The following ATP2B1 variants were observed in gnomAD, a reference collection of about 807,000 sequenced individuals.
The protein encoded by ATP2B1 is plasma membrane calcium-transporting ATPase 1.
Under a neutral mutation model 124.2 loss-of-function variants are expected in ATP2B1, and 14 were observed. That is an observed-to-expected ratio of 0.11 (90% CI 0.07 to 0.18). The LOEUF (loss-of-function observed/expected upper bound fraction) is 0.18, where lower values mean the gene tolerates loss of function less well. Among genes scored for constraint, ATP2B1 ranks in the 10% least tolerant of loss-of-function variants. ATP2B1 has a pLI of 1.00. For missense variants in ATP2B1, 763 were observed against 1,466.1 expected, an observed-to-expected ratio of 0.52 and a Z score of 7.83; for synonymous variants, 449 against 492.4, an observed-to-expected ratio of 0.91 and a Z score of 1.17.
intron 1 of ATP2B1, among the ~76,000 whole-genome samples, chr12:89,666,617 C>T (rs1887345222): frequency 2.0e-5 from 3 of 152,196 alleles, no homozygotes; most frequent in South Asian, 4.1e-4. Flanking sequence ...TCTTTATCCT[C>T]CTACCACCCA....
At chr12:89,696,502 A>G (rs1891147968) in intron 1 of ATP2B1, among the ~76,000 whole-genome samples, 1 of 62,842 alleles carries the variant, frequency 1.6e-5, no homozygotes. Context: ...GACATGAGAA[A>G]ATAATACAAA....
rs775614988 is a variant in ATP2B1, at chr12:89,635,248, C to A, written c.410G>T (p.Cys137Phe). ...TTCCTCCCCAACAGAAACTTCTCCACAAACTATTTGGAAAGAAAGAAAATG... is the reference window on the plus strand; with the variant it reads ...TTCCTCCCCAACAGAAACTTCTCCAAAAACTATTTGGAAAGAAAGAAAATG... ...YQPPEGDNALCGEVSVGEEEG... is the reference protein window; with the variant it reads ...YQPPEGDNALFGEVSVGEEEG... The change falls in exon 4 of 21, where the codon TGT becomes TTT. Residue 137 changes from cysteine to phenylalanine, a missense_variant. By Grantham distance (205) the Cys-to-Phe change is radical. Coordinates refer to ENST00000428670, the MANE Select transcript of ATP2B1 (RefSeq NM_001366521.1). 1 of 1,610,244 alleles carries A rather than the reference C, an allele frequency of 6.2e-7. No individual in the cohort carries two copies. The highest frequency in any genetic ancestry group is 8.5e-7 in the Non-Finnish European group (1 of 1,178,810).
chr12:89,681,382 A>T (rs4842674), intron 1 of ATP2B1, among the ~76,000 whole-genome samples: 135,734 of 148,414 alleles, frequency 0.91, 62,499 homozygotes, highest in East Asian at 0.99. Context: ...ATCCCTATAA[A>T]TTTTTTTTTT....
intron 3 of ATP2B1, among the ~76,000 whole-genome samples, chr12:89,641,499 T>A (rs1010077997): frequency 2.0e-5 from 3 of 152,328 alleles, no homozygotes; most frequent in Non-Finnish European, 4.4e-5. Context: ...ACACATAGCC[T>A]AAAAGTAATT....
At chr12:89,662,278 G>C (rs1283883867) in intron 1 of ATP2B1, among the ~76,000 whole-genome samples, 1 of 151,892 alleles carries the variant, frequency 6.6e-6, no homozygotes, top group Non-Finnish European at 1.5e-5. Flanking sequence ...CTAAAAATCT[G>C]AAGTCCTTCA....
intron 1 of ATP2B1, among the ~76,000 whole-genome samples, chr12:89,677,042 CAAAG>C (rs58410988): frequency 0.59 from 88,635 of 151,218 alleles, 26,435 homozygotes; most frequent in Admixed American, 0.69. Context: ...CACCACCAAA[CAAAG>C]AAACAAACAA....
intron 3 of ATP2B1, among the ~76,000 whole-genome samples, chr12:89,636,770 C>G (rs939819232): frequency 6.6e-6 from 1 of 152,168 alleles, no homozygotes; most frequent in Non-Finnish European, 1.5e-5. Flanking sequence ...GAACCACCAG[C>G]AGGATTCAAC....
intron 1 of ATP2B1, among the ~76,000 whole-genome samples, chr12:89,708,223 T>C (rs2136938924): frequency 1.3e-5 from 2 of 151,954 alleles, no homozygotes; most frequent in Middle Eastern, 3.4e-3. Context: ...CCACGCGCCG[T>C]GGCGGGGGCG....
At chr12:89,626,346 T>C in intron 8 of ATP2B1, 108 bp downstream of exon 8, 1 of 1,206,936 alleles carries the variant, frequency 8.3e-7, no homozygotes, top group Non-Finnish European at 1.1e-6. Flanking sequence ...CAAACTCCCC[T>C]TCTATTCACA....
At chr12:89,609,266 T>C (rs1592730807) in intron 15 of ATP2B1, among the ~76,000 whole-genome samples, 1 of 152,166 alleles carries the variant, frequency 6.6e-6, no homozygotes, top group South Asian at 2.1e-4. Context: ...GCTATGAATA[T>C]TCACACTAAG....
chr12:89,610,018 G>T lies in ATP2B1; in HGVS notation c.2361C>A (p.Asp787Glu), dbSNP rs1565814167. The change falls in exon 15 of 21, where the codon GAC becomes GAA. Residue 787 changes from aspartate (D) to glutamate (E), a missense_variant. Physicochemically the swap from Asp to Glu is conservative, Grantham distance 45. Around this residue, in one of 7 missense-constraint regions of ATP2B1, gnomAD observed 51 missense variants for 192.8 expected, o/e 0.26. Transcript: ENST00000428670. ...CAGTTACAGCTACAACCTGGCGTTG[G>T]TCTGAGACAGTGCTGTCAATTATAC... ...VKGIIDSTVS[D>E]QRQVVAVTGD... 3 of 1,613,584 alleles carry T rather than the reference G, an allele frequency of 1.9e-6. No individual in the cohort carries two copies. Among genetic ancestry groups the T allele is most frequent in the Non-Finnish European group, 2.5e-6 (3 of 1,179,664 alleles).
intron 1 of ATP2B1, among the ~76,000 whole-genome samples, chr12:89,668,916 T>A (rs1887609890): frequency 6.6e-6 from 1 of 152,240 alleles, no homozygotes; most frequent in African/African-American, 2.4e-5. Flanking sequence ...TGAAAGCTAG[T>A]CAATTCCCTT....
Position 89,601,415 on chromosome 12 carries a change from C to A in ATP2B1, c.3079G>T (p.Gly1027Cys). 1.9e-6 allele frequency: 3 copies of A among 1,561,046 alleles called. No individual in the cohort carries two copies. Among genetic ancestry groups the A allele is most frequent in the Non-Finnish European group, 2.6e-6 (3 of 1,161,764 alleles). The change falls in exon 19 of 21, where the codon GGT becomes TGT. Residue 1027 changes from glycine to cysteine, a missense_variant. By Grantham distance (159) the Gly-to-Cys change is radical. This residue lies in a region of ATP2B1 where 118 missense variants were observed against 240.3 expected (regional missense o/e 0.49). Coordinates refer to ENST00000428670, the MANE Select transcript of ATP2B1 (RefSeq NM_001366521.1). Reference protein sequence around the residue: ...FVVQIIIVQFGGKPFSCSELS... With the variant: ...FVVQIIIVQFCGKPFSCSELS... ...TCTGAACAACTGAAAGGTTTTCCAC[C>A]AAACTGCACAATTATTATCTGGAGG...
At position 89,624,174 on chromosome 12, in the gene ATP2B1, T is replaced by C. The variant is rs1286689242; in HGVS notation, c.1344+9A>G. On this transcript the variant is annotated intron_variant, in intron 9 of 20. Transcript: ENST00000428670. ...CATAACAACGTCTACTGAACTATTT[T>C]CTACTTACTTTGACTGAATAAGCCA... The C allele has an allele frequency of 1.2e-6, 2 of 1,612,544 alleles. No individual in the cohort carries two copies. The highest frequency in any genetic ancestry group is 1.7e-6 in the Non-Finnish European group (2 of 1,178,862).
chr12:89,647,106 T>A (rs949419038), intron 2 of ATP2B1, among the ~76,000 whole-genome samples: 7 of 152,212 alleles, frequency 4.6e-5, no homozygotes, highest in African/African-American at 1.7e-4. Flanking sequence ...TTTAAAAATA[T>A]AAATAATGAT....
chr12:89,655,518 ATACTT>A, intron 2 of ATP2B1, 156 bp downstream of exon 2: 2 of 662,218 alleles, frequency 3.0e-6, no homozygotes, highest in Non-Finnish European at 5.1e-6. Context: ...TAATATAAAA[ATACTT>A]TAACTGTATT....
At chr12:89,648,744 TC>T (rs747949016) in intron 2 of ATP2B1, among the ~76,000 whole-genome samples, 2 of 152,178 alleles carry the variant, frequency 1.3e-5, no homozygotes, top group Non-Finnish European at 2.9e-5. Context: ...ATTTCAGAGA[TC>T]TTTGGGATAG....
rs184070516 is a variant in ATP2B1 at position 89,628,315 on chromosome 12, T to C, written c.929-599A>G. Among the ~76,000 whole-genome samples the C allele has an allele frequency of 2.8e-5, 4 of 143,404 alleles. No individual in the cohort carries two copies. The East Asian group carries it at 8.3e-4, about 30-fold the overall frequency. The allele number at this position is 143,404 out of a possible 152,430, so 94.1% of individuals were successfully genotyped here. On this transcript the variant is annotated intron_variant, in intron 6 of 20. Transcript: ENST00000428670. ...TAGTCAGGAGGTTGAGGCGGGAGAGTTGCTTGAACCCGGAAGGCGGAGGTT... is the reference window on the plus strand; with the variant it reads ...TAGTCAGGAGGTTGAGGCGGGAGAGCTGCTTGAACCCGGAAGGCGGAGGTT...
At chr12:89,697,986 C>A (rs2136818948) in intron 1 of ATP2B1, among the ~76,000 whole-genome samples, 1 of 152,190 alleles carries the variant, frequency 6.6e-6, no homozygotes, top group African/African-American at 2.4e-5. Context: ...AATTCTCCTG[C>A]CTCAGCCTCT....
Sources: allele counts gnomAD v4.1 joint callset (sites outside exome capture counted in the v4.1 genomes callset), GRCh38; gene constraint gnomAD v4.1.1; regional missense constraint gnomAD v4.1.1; transcripts MANE v1.5; gene names NCBI Gene and HGNC (gene_info 2026-07-23, HGNC 2026-07-21).